The following DSCAM variants were observed in gnomAD, a reference collection of about 807,000 sequenced individuals.
DSCAM encodes cell adhesion molecule DSCAM.
In DSCAM, 47 loss-of-function variants were observed where a neutral mutation model predicts 217.7. That is an observed-to-expected ratio of 0.22 (90% CI 0.17 to 0.28). The LOEUF (loss-of-function observed/expected upper bound fraction) is 0.28, where lower values mean the gene tolerates loss of function less well. Ranked by LOEUF, DSCAM falls within the 10% of genes least tolerant of loss-of-function variation. The probability of loss-of-function intolerance (pLI) is 1.00; values close to 1 mark genes in which losing one functional copy is unlikely to be tolerated. For synonymous variants in DSCAM, 1,056 were observed against 1,015.3 expected, an observed-to-expected ratio of 1.04 and a Z score of -0.76; for missense variants, 2,080 against 2,618.3, an observed-to-expected ratio of 0.79 and a Z score of 4.49.
intron 3 of DSCAM, among the ~76,000 whole-genome samples, chr21:40,406,716 A>G (rs2075282377): frequency 6.6e-6 from 1 of 152,114 alleles, no homozygotes; most frequent in Admixed American, 6.5e-5. Flanking sequence ...TCAGCCTCCC[A>G]GGTAGATGAG....
chr21:40,126,372 A>G (rs1423009253), intron 19 of DSCAM, among the ~76,000 whole-genome samples: 1 of 152,016 alleles, frequency 6.6e-6, no homozygotes, highest in Non-Finnish European at 1.5e-5. Context: ...AAAGGAAAGA[A>G]AGAAGAAGGC....
intron 11 of DSCAM, among the ~76,000 whole-genome samples, chr21:40,194,551 GGTTGT>G (rs1317893253): frequency 6.6e-6 from 1 of 152,194 alleles, no homozygotes; most frequent in African/African-American, 2.4e-5. Flanking sequence ...TTTGTCCAAA[GGTTGT>G]GTGCTGCGTG....
At chr21:40,019,644 CA>C (rs2088226253) in intron 32 of DSCAM, among the ~76,000 whole-genome samples, 1 of 152,140 alleles carries the variant, frequency 6.6e-6, no homozygotes, top group Non-Finnish European at 1.5e-5. Flanking sequence ...AGAAGAAGTC[CA>C]AGGATCCTTT....
intron 11 of DSCAM, among the ~76,000 whole-genome samples, chr21:40,247,765 C>G (rs1303216206): frequency 6.6e-6 from 1 of 152,254 alleles, no homozygotes; most frequent in Non-Finnish European, 1.5e-5. Flanking sequence ...CCTCTTCTCA[C>G]AGTTCCACTA....
chr21:40,478,695 A>G (rs1297438930), intron 3 of DSCAM, among the ~76,000 whole-genome samples: 1 of 152,174 alleles, frequency 6.6e-6, no homozygotes, highest in Non-Finnish European at 1.5e-5. Context: ...TACCACAACT[A>G]CAACTAATTA....
At chr21:40,022,098 A>G (rs923732346) in intron 32 of DSCAM, among the ~76,000 whole-genome samples, 1 of 152,208 alleles carries the variant, frequency 6.6e-6, no homozygotes, top group Non-Finnish European at 1.5e-5. Flanking sequence ...CCATTAATCC[A>G]TCATCAAACA....
chr21:40,203,669 A>G (rs1601437654), intron 11 of DSCAM, among the ~76,000 whole-genome samples: 1 of 152,258 alleles, frequency 6.6e-6, no homozygotes, highest in African/African-American at 2.4e-5. Context: ...GAGAGAAGCA[A>G]CACAATTAAA....
intron 3 of DSCAM, among the ~76,000 whole-genome samples, chr21:40,546,064 G>A (rs2076579982): frequency 1.3e-5 from 2 of 152,228 alleles, no homozygotes; most frequent in Non-Finnish European, 2.9e-5. Flanking sequence ...ACCTGGCAGT[G>A]CATAGGCACT....
chr21:40,646,299 C>T (rs559743169), intron 3 of DSCAM, among the ~76,000 whole-genome samples: 2 of 151,558 alleles, frequency 1.3e-5, no homozygotes, highest in Non-Finnish European at 2.9e-5. Context: ...CCTGTAGTCT[C>T]AACTACTTGG....
chr21:40,661,860 C>A (rs902499770), intron 3 of DSCAM, among the ~76,000 whole-genome samples: 2 of 152,160 alleles, frequency 1.3e-5, no homozygotes, highest in Non-Finnish European at 2.9e-5. Context: ...GCACCTGTTT[C>A]TTTGAGCAAA....
intron 14 of DSCAM, among the ~76,000 whole-genome samples, chr21:40,182,510 A>G (rs1415704193): frequency 6.6e-6 from 1 of 151,228 alleles, no homozygotes; most frequent in East Asian, 2.0e-4. Context: ...GGACGGAGGC[A>G]CCGGAGAAAC....
chr21:40,423,368 G>C (rs2075442931), intron 3 of DSCAM, among the ~76,000 whole-genome samples: 1 of 152,174 alleles, frequency 6.6e-6, no homozygotes, highest in Admixed American at 6.5e-5. Context: ...GAGAGATTGA[G>C]AACATGTATG....
chr21:40,188,333 T>A (rs1429478813), intron 12 of DSCAM, among the ~76,000 whole-genome samples: 2 of 150,270 alleles, frequency 1.3e-5, no homozygotes, highest in African/African-American at 4.9e-5. Flanking sequence ...CACATATACA[T>A]TTTTTTTTTC....
intron 8 of DSCAM, among the ~76,000 whole-genome samples, chr21:40,337,015 CT>C (rs1381174100): frequency 2.0e-5 from 3 of 152,100 alleles, no homozygotes; most frequent in Non-Finnish European, 4.4e-5. Context: ...GCAGGCATAT[CT>C]AATATACAAT....
intron 1 of DSCAM, among the ~76,000 whole-genome samples, chr21:40,786,203 T>G (rs2091592417): frequency 6.7e-6 from 1 of 148,436 alleles, no homozygotes. Context: ...GCCATTGTAC[T>G]CCAGCCTGGG....
At chr21:40,069,661 G>A (rs1470669463) in intron 27 of DSCAM, among the ~76,000 whole-genome samples, 1 of 152,144 alleles carries the variant, frequency 6.6e-6, no homozygotes, top group African/African-American at 2.4e-5. Context: ...AACTTTCTGA[G>A]GGTGGCAGAT....
rs192312720 is a variant in DSCAM at position 40,346,320 on chromosome 21, G to A, written c.1210+1350C>T. ...AAAATCTCACTGTCTGCAATGAAAC[G>A]ATTGAATCAAAATAGGAATCTCATT... On this transcript the variant is annotated intron_variant, in intron 6 of 32. Coordinates refer to ENST00000400454, the MANE Select transcript of DSCAM (RefSeq NM_001389.5). Among the ~76,000 whole-genome samples the A allele has an allele frequency of 1.9e-4, 29 of 152,206 alleles. No individual in the cohort carries two copies. In the East Asian group the frequency reaches 4.8e-3, roughly 25 times the overall value.
At chr21:40,030,415 A>G (rs2088498467) in intron 32 of DSCAM, among the ~76,000 whole-genome samples, 1 of 152,146 alleles carries the variant, frequency 6.6e-6, no homozygotes, top group South Asian at 2.1e-4. Context: ...GGAGGGGAGT[A>G]TTTTGGAAAG....
chr21:40,554,905 CCCCCATTA>C (rs1460772861), intron 3 of DSCAM, among the ~76,000 whole-genome samples: 18 of 152,104 alleles, frequency 1.2e-4, no homozygotes, highest in Admixed American at 9.8e-4. Context: ...TTGGTGATTT[CCCCCATTA>C]CATTGTGAGC....
Sources: allele counts gnomAD v4.1 joint callset (sites outside exome capture counted in the v4.1 genomes callset), GRCh38; gene constraint gnomAD v4.1.1; transcripts MANE v1.5; gene names NCBI Gene and HGNC (gene_info 2026-07-23, HGNC 2026-07-21).